Variants in MARCHF11 observed in about 807,000 individuals in gnomAD.
The protein encoded by MARCHF11 is membrane associated ring-CH-type finger 11, also known as E3 ubiquitin-protein ligase MARCHF11.
MARCHF11 carries 29 observed loss-of-function variants against 37.3 expected under a neutral mutation model. That is an observed-to-expected ratio of 0.78 (90% CI 0.58 to 1.06). MARCHF11 has a LOEUF of 1.06. Ranked by LOEUF, MARCHF11 falls within the 50% of genes least tolerant of loss-of-function variation. The pLI, the probability that MARCHF11 is intolerant of heterozygous loss-of-function variation, is 0.00. For synonymous variants in MARCHF11, 233 were observed against 228.0 expected (o/e 1.02, Z -0.20); for missense variants, 482 against 533.4 (o/e 0.90, Z 0.95).
chr5:16,095,656 C>G (rs533087279), intron 2 of MARCHF11, among the ~76,000 whole-genome samples: 1 of 152,342 alleles, frequency 6.6e-6, no homozygotes, highest in South Asian at 2.1e-4. Context: ...CCATACCTGG[C>G]ACTAATGCCA....
chr5:16,071,384 T>C (rs921122226), intron 3 of MARCHF11, among the ~76,000 whole-genome samples: 3 of 152,224 alleles, frequency 2.0e-5, no homozygotes, highest in Admixed American at 2.0e-4. Flanking sequence ...ATTTTCTTAC[T>C]AGTAATGTTT....
intron 2 of MARCHF11, among the ~76,000 whole-genome samples, chr5:16,114,278 G>A (rs189773433): frequency 2.0e-5 from 3 of 152,166 alleles, no homozygotes; most frequent in South Asian, 2.1e-4. Flanking sequence ...ATTTTATATC[G>A]AGAGTATTTT....
chr5:16,134,131 G>T (rs1737567610), intron 2 of MARCHF11, among the ~76,000 whole-genome samples: 1 of 152,190 alleles, frequency 6.6e-6, no homozygotes, highest in South Asian at 2.1e-4. Flanking sequence ...ATGAGGCTCA[G>T]TGTTGAGCCT....
chr5:16,128,317 G>A (rs562391742), intron 2 of MARCHF11, among the ~76,000 whole-genome samples: 9 of 152,212 alleles, frequency 5.9e-5, no homozygotes, highest in South Asian at 4.1e-4. Flanking sequence ...TGTGAGTGAC[G>A]GAATAACACT....
At chr5:16,142,197 G>A (rs1227697190) in intron 2 of MARCHF11, among the ~76,000 whole-genome samples, 2 of 152,176 alleles carry the variant, frequency 1.3e-5, no homozygotes, top group Non-Finnish European at 2.9e-5. Flanking sequence ...TTAAAATCGG[G>A]GGAAGGTTGC....
At chr5:16,108,903 C>T (rs1174416631) in intron 2 of MARCHF11, among the ~76,000 whole-genome samples, 4 of 152,226 alleles carry the variant, frequency 2.6e-5, no homozygotes, top group African/African-American at 7.2e-5. Context: ...ACTCTGCCTA[C>T]GTTCTCTACC....
intron 3 of MARCHF11, among the ~76,000 whole-genome samples, chr5:16,084,686 A>C (rs912613505): frequency 6.6e-6 from 1 of 152,072 alleles, no homozygotes; most frequent in Non-Finnish European, 1.5e-5. Flanking sequence ...TTTAAAGAAA[A>C]ATTATTTCAT....
At chr5:16,150,912 C>T (rs577266709) in intron 2 of MARCHF11, among the ~76,000 whole-genome samples, 26 of 152,116 alleles carry the variant, frequency 1.7e-4, no homozygotes, top group African/African-American at 6.3e-4. Context: ...GCTGTTCCTG[C>T]CTCTACACCC....
At chr5:16,117,181 C>T (rs777397523) in intron 2 of MARCHF11, among the ~76,000 whole-genome samples, 8 of 152,172 alleles carry the variant, frequency 5.3e-5, no homozygotes, top group Non-Finnish European at 1.0e-4. Context: ...CCTAACTCCA[C>T]ACACAGAGGA....
At chr5:16,072,957 A>G (rs1736463126) in intron 3 of MARCHF11, among the ~76,000 whole-genome samples, 1 of 152,210 alleles carries the variant, frequency 6.6e-6, no homozygotes, top group Admixed American at 6.5e-5. Flanking sequence ...CTAACTGTAT[A>G]AACTTTGCTT....
At chr5:16,107,133 CA>C (rs1737057348) in intron 2 of MARCHF11, among the ~76,000 whole-genome samples, 1 of 152,172 alleles carries the variant, frequency 6.6e-6, no homozygotes. Context: ...AAATAACAAA[CA>C]TTACAGAAAA....
chr5:16,075,822 T>C (rs867255772), intron 3 of MARCHF11, among the ~76,000 whole-genome samples: 1 of 152,066 alleles, frequency 6.6e-6, no homozygotes. Context: ...GTTTTGGTCT[T>C]TGGGGGTAAC....
chr5:16,112,629 T>C (rs1253154770), intron 2 of MARCHF11, among the ~76,000 whole-genome samples: 1 of 152,216 alleles, frequency 6.6e-6, no homozygotes, highest in Non-Finnish European at 1.5e-5. Context: ...GGACTTTTGA[T>C]TTAATGCTGA....
intron 2 of MARCHF11, among the ~76,000 whole-genome samples, chr5:16,105,937 T>G (rs1737032230): frequency 6.6e-6 from 1 of 152,154 alleles, no homozygotes; most frequent in South Asian, 2.1e-4. Context: ...GTATAACATC[T>G]GATTTTTACC....
chr5:16,094,334 G>T (rs767081074), intron 2 of MARCHF11, among the ~76,000 whole-genome samples: 1 of 152,122 alleles, frequency 6.6e-6, no homozygotes, highest in Admixed American at 6.5e-5. Context: ...CATTTGCTTC[G>T]ATGATAAAAG....
chr5:16,141,523 C>T (rs139133295), intron 2 of MARCHF11: 1 of 152,268 alleles, frequency 6.6e-6, no homozygotes, highest in East Asian at 1.9e-4. Context: ...CTGCAAAAAG[C>T]TCAGCCATCT....
intron 3 of MARCHF11, among the ~76,000 whole-genome samples, chr5:16,083,726 A>C (rs1247676602): frequency 2.0e-5 from 3 of 152,236 alleles, no homozygotes; most frequent in African/African-American, 7.2e-5. Context: ...TTTTTAAAGG[A>C]GATAGTCTAA....
chr5:16,176,223 G>A (rs1332686874), intron 2 of MARCHF11, among the ~76,000 whole-genome samples: 1 of 151,854 alleles, frequency 6.6e-6, no homozygotes, highest in Non-Finnish European at 1.5e-5. Flanking sequence ...TCAAGCTCTT[G>A]AAATAGTCTT....
chr5:16,177,613 T>A, intron 2 of MARCHF11, 113 bp downstream of exon 2: 1 of 924,782 alleles, frequency 1.1e-6, no homozygotes, highest in Non-Finnish European at 1.5e-6. Context: ...TTAGTGTAAT[T>A]TTCACAAAAT....
Sources: allele counts gnomAD v4.1 joint callset (sites outside exome capture counted in the v4.1 genomes callset), GRCh38; gene constraint gnomAD v4.1.1; transcripts MANE v1.5; gene names NCBI Gene and HGNC (gene_info 2026-07-23, HGNC 2026-07-21).